PDE4B: variants seen among roughly 807,000 people sequenced by gnomAD.
The protein encoded by PDE4B is 3',5'-cyclic-AMP phosphodiesterase 4B.
Under a neutral mutation model 82.2 loss-of-function variants are expected in PDE4B, and 20 were observed. The ratio of observed to expected loss-of-function variants is 0.24; its 90% CI spans 0.17 to 0.35. PDE4B has a LOEUF of 0.35. Ranked by LOEUF, PDE4B falls within the 10% of genes least tolerant of loss-of-function variation. PDE4B has a pLI of 1.00. For missense variants in PDE4B, 655 were observed against 907.2 expected, an observed-to-expected ratio of 0.72 and a Z score of 3.57; for synonymous variants, 320 against 318.9, an observed-to-expected ratio of 1.00 and a Z score of -0.04.
At chr1:66,055,501 T>C (rs961588892) in intron 3 of PDE4B, among the ~76,000 whole-genome samples, 13 of 152,380 alleles carry the variant, frequency 8.5e-5, no homozygotes, top group Admixed American at 8.5e-4. Flanking sequence ...TGAAAGCAAT[T>C]GATTTTCTAC....
chr1:66,278,415 A>G (rs945824613), intron 7 of PDE4B, among the ~76,000 whole-genome samples: 7 of 152,228 alleles, frequency 4.6e-5, no homozygotes, highest in Non-Finnish European at 8.8e-5. Context: ...CATCTGCACA[A>G]AAAGAAAACT....
At chr1:65,952,789 G>C (rs1395700509) in intron 3 of PDE4B, among the ~76,000 whole-genome samples, 1 of 152,136 alleles carries the variant, frequency 6.6e-6, no homozygotes, top group Non-Finnish European at 1.5e-5. Flanking sequence ...GGAAGGCTCT[G>C]CATCTGTTAA....
At chr1:65,824,934 A>C (rs1407904781) in intron 1 of PDE4B, among the ~76,000 whole-genome samples, 5 of 152,190 alleles carry the variant, frequency 3.3e-5, no homozygotes, top group African/African-American at 1.2e-4. Flanking sequence ...TAACAAAGTT[A>C]CATTAAACAC....
intron 3 of PDE4B, among the ~76,000 whole-genome samples, chr1:65,941,000 C>CTT (rs5774777): frequency 6.6e-6 from 1 of 151,604 alleles, no homozygotes; most frequent in Non-Finnish European, 1.5e-5. Flanking sequence ...TGATATTTTG[C>CTT]TTTTTTTTGC....
In PDE4B at chr1:66,141,327, AATATATAT is replaced by A. The variant is rs71058454; in HGVS notation, c.282-106100_282-106093del. On this transcript the variant is annotated intron_variant, in intron 3 of 16. Coordinates refer to ENST00000341517, the MANE Select transcript of PDE4B (RefSeq NM_002600.4). ...AGCAGTGCAGATAGAAAGCTTTGAG[AATATATAT>A]ATATATATATATATATATATATATA... 8.2e-3 allele frequency among the ~76,000 whole-genome samples: 751 copies of A among 91,446 alleles called. 13 individuals are homozygous for A. Among genetic ancestry groups the A allele is most frequent in the African/African-American group, 0.038 (696 of 18,442 alleles). The allele number at this position is 91,446 out of a possible 152,430, so 60.0% of individuals were successfully genotyped here. A position where few individuals can be genotyped will look rare whatever the true frequency, so the allele number is the denominator to read the frequency against.
At chr1:66,112,443 TTAG>T (rs1489854009) in intron 3 of PDE4B, among the ~76,000 whole-genome samples, 2 of 152,174 alleles carry the variant, frequency 1.3e-5, no homozygotes, top group African/African-American at 4.8e-5. Flanking sequence ...ATTGAATTAA[TTAG>T]TTAAGTAACC....
At chr1:66,286,387 A>G (rs992047027) in intron 7 of PDE4B, among the ~76,000 whole-genome samples, 2 of 152,186 alleles carry the variant, frequency 1.3e-5, no homozygotes, top group Admixed American at 1.3e-4. Context: ...GCAGAAACAT[A>G]GCCTGTGGCC....
At chr1:66,237,369 C>A (rs1652538933) in intron 3 of PDE4B, among the ~76,000 whole-genome samples, 1 of 152,180 alleles carries the variant, frequency 6.6e-6, no homozygotes, top group African/African-American at 2.4e-5. Flanking sequence ...CCTTCCACGT[C>A]TCTACCTCCA....
At chr1:66,028,129 G>C (rs1653554503) in intron 3 of PDE4B, among the ~76,000 whole-genome samples, 1 of 152,196 alleles carries the variant, frequency 6.6e-6, no homozygotes, top group Non-Finnish European at 1.5e-5. Flanking sequence ...CTTTTGCCTG[G>C]GCATGCGTGC....
At chr1:66,350,309 T>TA in intron 8 of PDE4B, among the ~76,000 whole-genome samples, 1 of 152,184 alleles carries the variant, frequency 6.6e-6, no homozygotes, top group African/African-American at 2.4e-5. Flanking sequence ...GTCTCACAGC[T>TA]GGGCTCCTGC....
intron 7 of PDE4B, among the ~76,000 whole-genome samples, chr1:66,294,152 G>A (rs1657321698): frequency 6.6e-6 from 1 of 152,030 alleles, no homozygotes; most frequent in Non-Finnish European, 1.5e-5. Flanking sequence ...GTTGCAGTGA[G>A]CCAAGATTGC....
At chr1:66,112,525 A>G (rs1374289486) in intron 3 of PDE4B, among the ~76,000 whole-genome samples, 1 of 152,300 alleles carries the variant, frequency 6.6e-6, no homozygotes, top group Middle Eastern at 3.4e-3. Context: ...AGATTTACTG[A>G]TTGTCTACAA....
At chr1:66,367,465 C>A in intron 13 of PDE4B, 1 of 374,894 alleles carries the variant, frequency 2.7e-6, no homozygotes, top group Non-Finnish European at 4.8e-6. Flanking sequence ...TTTTAAAATA[C>A]AATGAATTTT....
Position 66,078,729 on chromosome 1 carries a change from G to A in PDE4B, c.281+159894G>A, listed in dbSNP as rs565559922. 4.6e-5 allele frequency among the ~76,000 whole-genome samples: 7 copies of A among 152,148 alleles called. No individual in the cohort carries two copies. The East Asian group carries it at 1.4e-3, about 29-fold the overall frequency. Reference sequence around the variant, plus strand: ...CTATCATAAATTGTACTTTAAATCTGTTCATAGATCTTAGATCTTGTCTTT... The same window carrying A: ...CTATCATAAATTGTACTTTAAATCTATTCATAGATCTTAGATCTTGTCTTT... On this transcript the variant is annotated intron_variant, in intron 3 of 16. Coordinates refer to ENST00000341517, the MANE Select transcript of PDE4B (RefSeq NM_002600.4).
chr1:65,963,701 A>T (rs376253465), intron 3 of PDE4B, among the ~76,000 whole-genome samples: 2 of 152,330 alleles, frequency 1.3e-5, no homozygotes, highest in East Asian at 3.9e-4. Flanking sequence ...CTGCTTGATC[A>T]GTGCCTCTCC....
rs1660308080 is a variant in PDE4B, at chr1:66,333,848, T to C, written c.747+1228T>C. On this transcript the variant is annotated intron_variant, in intron 8 of 16. Coordinates refer to ENST00000341517, the MANE Select transcript of PDE4B (RefSeq NM_002600.4). ...GAAAGGGCAAAAATAAGTCCCTTTC[T>C]AAAATTTTAGTTTAGAGTTTAAGTT... Among the ~76,000 whole-genome samples the C allele has an allele frequency of 2.0e-5, 3 of 152,072 alleles. No individual in the cohort carries two copies. The South Asian group carries it at 6.2e-4, about 31-fold the overall frequency.
intron 3 of PDE4B, among the ~76,000 whole-genome samples, chr1:65,998,667 T>C (rs1651689095): frequency 6.6e-6 from 1 of 152,156 alleles, no homozygotes; most frequent in Non-Finnish European, 1.5e-5. Context: ...GAGGAAAGCA[T>C]GTGAACTTGG....
chr1:66,144,652 A>G (rs953440157), intron 3 of PDE4B, among the ~76,000 whole-genome samples: 2 of 152,228 alleles, frequency 1.3e-5, no homozygotes, highest in African/African-American at 4.8e-5. Flanking sequence ...TTCAACAGGT[A>G]AGTATAATGC....
intron 7 of PDE4B, among the ~76,000 whole-genome samples, chr1:66,312,460 T>C (rs952668524): frequency 2.0e-5 from 3 of 152,198 alleles, no homozygotes; most frequent in African/African-American, 7.2e-5. Flanking sequence ...CAATAGCTGG[T>C]CAGACCTTTC....
Sources: gnomAD v4.1 joint callset for allele counts (sites outside exome capture counted in the v4.1 genomes callset) on GRCh38, gnomAD v4.1.1 for gene constraint, MANE v1.5 for transcripts, NCBI Gene and HGNC (gene_info 2026-07-23, HGNC 2026-07-21) for gene names.